GPHN: variants seen among roughly 807,000 people sequenced by gnomAD.
GPHN encodes the protein gephyrin.
GPHN carries 17 observed loss-of-function variants against 95.5 expected under a neutral mutation model. The observed-to-expected ratio is 0.18, with a 90% confidence interval of 0.12 to 0.27. The LOEUF is 0.27. Ranked by LOEUF, GPHN falls within the 10% of genes least tolerant of loss-of-function variation. The probability of loss-of-function intolerance (pLI) is 1.00; values close to 1 mark genes in which losing one functional copy is unlikely to be tolerated. For synonymous variants in GPHN, 320 were observed against 322.5 expected, an observed-to-expected ratio of 0.99 and a Z score of 0.08; for missense variants, 660 against 978.1, an observed-to-expected ratio of 0.67 and a Z score of 4.34.
the GPHN span, among the ~76,000 whole-genome samples, chr14:67,621,817 C>T: frequency 6.6e-6 from 1 of 151,718 alleles, no homozygotes; most frequent in Non-Finnish European, 1.5e-5. Context: ...CCTTTATAAG[C>T]AGGGTGCGGT....
At chr14:67,572,125 C>G in the GPHN span, 1 of 1,603,168 alleles carries the variant, frequency 6.2e-7, no homozygotes, top group South Asian at 1.1e-5. Context: ...ACTCCTCCTC[C>G]CTCGGCAAGG....
the GPHN span, chr14:67,383,669 C>G: frequency 2.2e-6 from 1 of 465,086 alleles, no homozygotes; most frequent in African/African-American, 2.0e-5. Context: ...GGCCTCATTT[C>G]ACTAGAGACA....
At chr14:67,568,904 G>A in the GPHN span, 1 of 506,740 alleles carries the variant, frequency 2.0e-6, no homozygotes. Context: ...AAATGCTTAT[G>A]TTAAGTATTT....
the GPHN span, chr14:67,587,401 TA>T: frequency 1.3e-6 from 1 of 751,156 alleles, no homozygotes; most frequent in Non-Finnish European, 2.2e-6. Context: ...AGGTGCCTTA[TA>T]ATGTTTCAGG....
chr14:67,671,618 CA>C, the GPHN span, among the ~76,000 whole-genome samples: 36 of 152,262 alleles, frequency 2.4e-4, no homozygotes, highest in Non-Finnish European at 4.7e-4. Flanking sequence ...GGGTAGACAA[CA>C]AAGGTGAATG....
chr14:67,577,492 C>T, the GPHN span: 45 of 918,642 alleles, frequency 4.9e-5, no homozygotes, highest in Non-Finnish European at 7.8e-5. Flanking sequence ...CAGTTGGGGA[C>T]AACCCACAGA....
chr14:67,061,012 T>C (rs1466055306), intron 11 of GPHN, among the ~76,000 whole-genome samples: 1 of 152,210 alleles, frequency 6.6e-6, no homozygotes, highest in Non-Finnish European at 1.5e-5. Context: ...ACATTCCCTC[T>C]GTTACTGTTT....
chr14:67,174,345 C>T (rs1042415534), intron 21 of GPHN, among the ~76,000 whole-genome samples: 4 of 151,604 alleles, frequency 2.6e-5, no homozygotes, highest in Admixed American at 1.3e-4. Flanking sequence ...GTTTTCTGTC[C>T]TTGTGCTAGT....
chr14:67,100,999 G>C (rs748778704), intron 13 of GPHN, 88 bp downstream of exon 13: 1 of 790,452 alleles, frequency 1.3e-6, no homozygotes, highest in Non-Finnish European at 2.3e-6. Flanking sequence ...TCAGTTTAGT[G>C]GAAATTAGAG....
At chr14:67,417,535 A>G in the GPHN span, among the ~76,000 whole-genome samples, 3 of 151,662 alleles carry the variant, frequency 2.0e-5, no homozygotes, top group Admixed American at 1.3e-4. Context: ...AGGTATAAGC[A>G]ATCCCCCTAC....
At chr14:66,691,190 T>TA (rs2067753231) in intron 2 of GPHN, among the ~76,000 whole-genome samples, 1 of 151,936 alleles carries the variant, frequency 6.6e-6, no homozygotes, top group African/African-American at 2.4e-5. Context: ...ATTTTTATTT[T>TA]TTTTTTTTAT....
At chr14:67,222,637 T>A in the GPHN span, among the ~76,000 whole-genome samples, 1 of 152,186 alleles carries the variant, frequency 6.6e-6, no homozygotes, top group Non-Finnish European at 1.5e-5. Context: ...TATATTGCCA[T>A]GTTCTAAGAA....
the GPHN span, among the ~76,000 whole-genome samples, chr14:67,195,520 A>C: frequency 2.0e-5 from 3 of 152,146 alleles, no homozygotes; most frequent in Non-Finnish European, 4.4e-5. Context: ...TCCAGTATGC[A>C]GTATTTTCAT....
intron 1 of GPHN, among the ~76,000 whole-genome samples, chr14:66,545,279 C>T (rs1232131360): frequency 1.0e-3 from 137 of 135,442 alleles, no homozygotes; most frequent in Non-Finnish European, 1.5e-3. Context: ...CCAGTAGGGG[C>T]GGCCGGGCAG....
chr14:67,513,710 G>GGT, the GPHN span, among the ~76,000 whole-genome samples: 1 of 152,194 alleles, frequency 6.6e-6, no homozygotes, highest in Non-Finnish European at 1.5e-5. Flanking sequence ...GCAGGCGGGA[G>GGT]AGTCCTCCAC....
intron 1 of GPHN, among the ~76,000 whole-genome samples, chr14:66,566,156 A>G (rs2060454964): frequency 1.3e-5 from 2 of 152,030 alleles, no homozygotes; most frequent in South Asian, 4.2e-4. Flanking sequence ...ATTACCTTTT[A>G]TATTACTAGG....
the GPHN span, among the ~76,000 whole-genome samples, chr14:67,461,214 TAC>T: frequency 2.0e-5 from 3 of 152,244 alleles, no homozygotes; most frequent in Admixed American, 2.0e-4. Context: ...CTAAGCACTC[TAC>T]AGTCATTGCC....
chr14:66,620,339 T>G (rs1009722715), intron 1 of GPHN, among the ~76,000 whole-genome samples: 2 of 152,152 alleles, frequency 1.3e-5, no homozygotes, highest in African/African-American at 2.4e-5. Context: ...TACCTGAGAC[T>G]GGGCAATTTA....
chr14:66,593,246 A>G (rs1011291995), intron 1 of GPHN, among the ~76,000 whole-genome samples: 4 of 151,958 alleles, frequency 2.6e-5, no homozygotes, highest in Non-Finnish European at 4.4e-5. Flanking sequence ...GTGTATGTAT[A>G]CCTATGTAAC....
Sources: gnomAD v4.1 joint callset for allele counts (sites outside exome capture counted in the v4.1 genomes callset) on GRCh38, gnomAD v4.1.1 for gene constraint, MANE v1.5 for transcripts, NCBI Gene and HGNC (gene_info 2026-07-23, HGNC 2026-07-21) for gene names.